Variants in ITSN2 observed in about 807,000 individuals in gnomAD.
ITSN2 encodes the protein intersectin 2.
ITSN2 carries 156 observed loss-of-function variants against 243.7 expected under a neutral mutation model. That is an observed-to-expected ratio of 0.64 (90% CI 0.56 to 0.73). ITSN2 has a LOEUF of 0.73. Among genes scored for constraint, ITSN2 ranks in the 30% least tolerant of loss-of-function variants. ITSN2 has a pLI of 0.00. For missense variants in ITSN2, 1,801 were observed against 1,996.1 expected (o/e 0.90, Z 1.86); for synonymous variants, 703 against 699.9 (o/e 1.00, Z -0.07).
At chr2:24,234,287 A>AT (rs1671905123) in intron 29 of ITSN2, among the ~76,000 whole-genome samples, 1 of 152,026 alleles carries the variant, frequency 6.6e-6, no homozygotes, top group Non-Finnish European at 1.5e-5. Context: ...CGAAAAAAAA[A>AT]AAAGAAATTG....
At chr2:24,255,513 A>G (rs1345938326) in intron 23 of ITSN2, among the ~76,000 whole-genome samples, 4 of 151,918 alleles carry the variant, frequency 2.6e-5, no homozygotes. Flanking sequence ...CTGTAATCCC[A>G]GTTACTTGGG....
rs568013068 is a variant in ITSN2 at position 24,306,874 on chromosome 2, C to T, written c.793+1743G>A. On this transcript the variant is annotated intron_variant, in intron 8 of 39. Transcript: ENST00000355123. ...AGGCTGGAGTGCACTGGCGCAATCT[C>T]GGCTCACTGCAACCTCCGCCTCCTA... Among the ~76,000 whole-genome samples, 7 of 151,904 alleles carry T rather than the reference C, an allele frequency of 4.6e-5. No individual in the cohort carries two copies. In the East Asian group the frequency reaches 7.8e-4, roughly 17 times the overall value.
intron 1 of ITSN2, among the ~76,000 whole-genome samples, chr2:24,337,599 C>T (rs1323119599): frequency 6.7e-6 from 1 of 149,342 alleles, no homozygotes; most frequent in African/African-American, 2.5e-5. Context: ...ATCTGCCTAC[C>T]TCAGCCTCCC....
At chr2:24,311,665 G>A (rs1403929255) in intron 5 of ITSN2, 4 of 167,082 alleles carry the variant, frequency 2.4e-5, no homozygotes, top group Admixed American at 2.0e-4. Flanking sequence ...GAAATTGCCT[G>A]ATCAAAATTA....
At chr2:24,352,558 C>T (rs900548550) in intron 1 of ITSN2, among the ~76,000 whole-genome samples, 1 of 152,154 alleles carries the variant, frequency 6.6e-6, no homozygotes, top group Non-Finnish European at 1.5e-5. Flanking sequence ...TCTATACAAA[C>T]TTAGTTCTTA....
chr2:24,360,640 G>A (rs1226991047), upstream of ITSN2: 3 of 152,306 alleles, frequency 2.0e-5, no homozygotes, highest in Non-Finnish European at 2.9e-5. Context: ...AAACTGCCCG[G>A]GCGTGGCTCC....
chr2:24,280,302 T>C (rs1292548186), intron 17 of ITSN2, among the ~76,000 whole-genome samples: 1 of 152,198 alleles, frequency 6.6e-6, no homozygotes. Flanking sequence ...GTGCCTGTCC[T>C]GCTCCAACAC....
intron 1 of ITSN2, among the ~76,000 whole-genome samples, chr2:24,330,183 G>T (rs1341819461): frequency 6.6e-6 from 1 of 152,156 alleles, no homozygotes; most frequent in African/African-American, 2.4e-5. Context: ...GGGATCCCAT[G>T]GACACAAGGC....
intron 1 of ITSN2, among the ~76,000 whole-genome samples, chr2:24,345,805 T>C (rs915542018): frequency 6.6e-6 from 1 of 151,846 alleles, no homozygotes; most frequent in Non-Finnish European, 1.5e-5. Context: ...CTTTTAATTT[T>C]AGGGCATCTT....
intron 2 of ITSN2, among the ~76,000 whole-genome samples, chr2:24,318,536 A>T (rs1684191913): frequency 6.6e-6 from 1 of 152,076 alleles, no homozygotes. Flanking sequence ...TGGTCCACAT[A>T]CTTTAAAGTA....
At chr2:24,207,781 A>T (rs1294350513) in intron 37 of ITSN2, among the ~76,000 whole-genome samples, 2 of 151,556 alleles carry the variant, frequency 1.3e-5, no homozygotes, top group Non-Finnish European at 2.9e-5. Context: ...GGGCAGAAGG[A>T]TGGGGAGAGG....
At chr2:24,212,521 C>T (rs1269510883) in intron 33 of ITSN2, 129 bp downstream of exon 33, 1 of 646,766 alleles carries the variant, frequency 1.5e-6, no homozygotes, top group East Asian at 2.9e-5. Context: ...ACAGTGGGAT[C>T]ACTTGTGCGG....
chr2:24,274,593 T>G (rs1198205185), intron 18 of ITSN2, among the ~76,000 whole-genome samples: 1 of 151,914 alleles, frequency 6.6e-6, no homozygotes. Context: ...GAAATGGGGG[T>G]CTAGGAGTAA....
At chr2:24,264,282 T>A (rs1676301889) in intron 20 of ITSN2, among the ~76,000 whole-genome samples, 1 of 151,510 alleles carries the variant, frequency 6.6e-6, no homozygotes, top group Admixed American at 6.6e-5. Context: ...TCCCAGCTAC[T>A]CGGGAGGTGG....
At chr2:24,359,239 G>A (rs1688727725) in intron 1 of ITSN2, among the ~76,000 whole-genome samples, 1 of 152,194 alleles carries the variant, frequency 6.6e-6, no homozygotes, top group Non-Finnish European at 1.5e-5. Context: ...AGCACAGGGA[G>A]AGAGGCAATT....
intron 1 of ITSN2, among the ~76,000 whole-genome samples, chr2:24,342,760 G>A (rs1687165836): frequency 1.3e-5 from 2 of 151,552 alleles, no homozygotes; most frequent in Admixed American, 6.6e-5. Flanking sequence ...TAACTAGTGT[G>A]GTCTGGAAAA....
At chr2:24,209,021 G>A (rs900967772) in intron 36 of ITSN2, 79 bp downstream of exon 36, 72 of 1,523,738 alleles carry the variant, frequency 4.7e-5, no homozygotes, top group Non-Finnish European at 6.0e-5. Context: ...AAGCACGGCT[G>A]GAGATGGGTT....
chr2:24,295,773 A>G lies in ITSN2; in HGVS notation c.1526T>C (p.Leu509Pro). The G allele has an allele frequency of 6.4e-7, 1 of 1,560,750 alleles. No individual in the cohort carries two copies. The highest frequency in any genetic ancestry group is 2.0e-5 in the Admixed American group (1 of 49,698). Residue 509 changes from leucine to proline, a missense_variant, in exon 14 of 40, where the codon CTT becomes CCT. By Grantham distance (98) the Leu-to-Pro change is moderately conservative. Transcript: ENST00000355123. ...TTGCTTTTTGAGTCGGACATCCTGA[A>G]GTCTGCCTGAGATCTGCTGATGTTT... ...NGKHQQISGR[L>P]QDVRLKKQTQ...
chr2:24,289,886 T>C lies in ITSN2; in HGVS notation c.1724-3535A>G, dbSNP rs1325275264. Among the ~76,000 whole-genome samples the C allele has an allele frequency of 2.0e-5, 3 of 152,206 alleles. No individual in the cohort carries two copies. The East Asian group carries it at 5.8e-4, about 29-fold the overall frequency. On this transcript the variant is annotated intron_variant, in intron 15 of 39. Coordinates refer to ENST00000355123, the MANE Select transcript of ITSN2 (RefSeq NM_006277.3). ...AATGTGACCCAGGGAAGCCATAAGATTAGACACCCCGATCTTAGATGAAAA... is the reference window on the plus strand; with the variant it reads ...AATGTGACCCAGGGAAGCCATAAGACTAGACACCCCGATCTTAGATGAAAA...
Sources: gnomAD v4.1 joint callset for allele counts (sites outside exome capture counted in the v4.1 genomes callset) on GRCh38, gnomAD v4.1.1 for gene constraint, MANE v1.5 for transcripts, NCBI Gene and HGNC (gene_info 2026-07-23, HGNC 2026-07-21) for gene names.